The following GNG12 variants were observed in gnomAD, a reference collection of about 807,000 sequenced individuals.
GNG12 encodes guanine nucleotide-binding protein G(I)/G(S)/G(O) subunit gamma-12.
For missense variants in GNG12, 69 were observed against 83.8 expected (o/e 0.82, Z 0.69); for synonymous variants, 28 against 29.7 (o/e 0.94, Z 0.19).
chr1:67,790,530 C>A (rs536543410), intron 1 of GNG12, among the ~76,000 whole-genome samples: 59 of 152,254 alleles, frequency 3.9e-4, no homozygotes, highest in African/African-American at 1.3e-3. Flanking sequence ...TCCTCAGATC[C>A]CCTGTTGGTG....
At chr1:67,733,752 G>C (rs1208429655) in intron 2 of GNG12, among the ~76,000 whole-genome samples, 1 of 152,152 alleles carries the variant, frequency 6.6e-6, no homozygotes, top group Non-Finnish European at 1.5e-5. Flanking sequence ...ACCAACTTCA[G>C]AACACACAGG....
intron 2 of GNG12, among the ~76,000 whole-genome samples, chr1:67,749,746 T>A (rs1371028642): frequency 2.6e-5 from 4 of 152,204 alleles, no homozygotes; most frequent in Non-Finnish European, 4.4e-5. Context: ...GCATTCCCAG[T>A]GGGATGCACC....
intron 1 of GNG12, among the ~76,000 whole-genome samples, chr1:67,790,317 T>C (rs991617453): frequency 6.6e-6 from 1 of 152,162 alleles, no homozygotes; most frequent in Non-Finnish European, 1.5e-5. Flanking sequence ...CATTTTTACA[T>C]ACATTCTGAA....
chr1:67,735,852 A>G (rs1183113417), intron 2 of GNG12, among the ~76,000 whole-genome samples: 1 of 152,174 alleles, frequency 6.6e-6, no homozygotes, highest in African/African-American at 2.4e-5. Flanking sequence ...AAGGGAAAAT[A>G]TTTTTTTAAA....
At chr1:67,812,518 A>C (rs1039663461) in intron 1 of GNG12, among the ~76,000 whole-genome samples, 9 of 152,152 alleles carry the variant, frequency 5.9e-5, no homozygotes, top group Non-Finnish European at 1.2e-4. Flanking sequence ...ACTCATGTCA[A>C]TTTTACAGAG....
chr1:67,760,519 C>T (rs528488803), intron 2 of GNG12, among the ~76,000 whole-genome samples: 3 of 152,258 alleles, frequency 2.0e-5, no homozygotes, highest in African/African-American at 7.2e-5. Context: ...AGCTTTAAGA[C>T]ACACGTTGCT....
chr1:67,791,672 C>T (rs1312185905), intron 1 of GNG12, among the ~76,000 whole-genome samples: 4 of 152,104 alleles, frequency 2.6e-5, no homozygotes, highest in African/African-American at 4.8e-5. Flanking sequence ...TCCAATCATG[C>T]GTTGGCATCT....
intron 1 of GNG12, among the ~76,000 whole-genome samples, chr1:67,779,224 T>C (rs981983866): frequency 1.8e-4 from 28 of 152,204 alleles, no homozygotes; most frequent in African/African-American, 6.0e-4. Context: ...TTTTTCACTT[T>C]ATTAATCCAC....
intron 1 of GNG12, among the ~76,000 whole-genome samples, chr1:67,816,130 CTT>C (rs532958644): frequency 6.6e-6 from 1 of 152,034 alleles, no homozygotes; most frequent in Non-Finnish European, 1.5e-5. Flanking sequence ...TATCTTGAGA[CTT>C]TTTTTTCTTT....
intron 1 of GNG12, among the ~76,000 whole-genome samples, chr1:67,787,055 G>GTGTGTGTGTA (rs1553158955): frequency 1.3e-5 from 2 of 149,758 alleles, no homozygotes; most frequent in African/African-American, 2.5e-5. Context: ...GTGTGTGTGT[G>GTGTGTGTGTA]TGTGTGTGTG....
chr1:67,808,138 G>A (rs894382443), intron 1 of GNG12, among the ~76,000 whole-genome samples: 2 of 152,038 alleles, frequency 1.3e-5, no homozygotes, highest in African/African-American at 4.8e-5. Flanking sequence ...GGGTAAGTAA[G>A]GCTGGTTCAA....
At chr1:67,798,783 G>A (rs550683887) in intron 1 of GNG12, among the ~76,000 whole-genome samples, 13 of 152,072 alleles carry the variant, frequency 8.5e-5, no homozygotes, top group Admixed American at 4.6e-4. Context: ...GTGAAAGCCC[G>A]TCTCTACTAA....
chr1:67,761,888 C>G (rs1646607586), intron 2 of GNG12, among the ~76,000 whole-genome samples: 1 of 152,038 alleles, frequency 6.6e-6, no homozygotes, highest in African/African-American at 2.4e-5. Context: ...AATCACGGCT[C>G]CACTCCAGGA....
chr1:67,771,309 C>G (rs1646673182), intron 2 of GNG12, among the ~76,000 whole-genome samples: 1 of 152,214 alleles, frequency 6.6e-6, no homozygotes, highest in Non-Finnish European at 1.5e-5. Context: ...CTCATTCAGT[C>G]CCTCTAACAA....
chr1:67,716,343 C>T lies in GNG12; in HGVS notation c.-26-8631G>A, dbSNP rs61770514. On this transcript the variant is annotated intron_variant, in intron 2 of 3. Transcript: ENST00000370982. ...TCTTTCATTAGTTGATTTTATCTGC[C>T]ATCCAGGGTACATGTCCCTGAATAA... 8.2e-3 allele frequency among the ~76,000 whole-genome samples: 1,250 copies of T among 152,180 alleles called. 5 individuals carry two copies. Among genetic ancestry groups the T allele is most frequent in the Non-Finnish European group, 0.012 (822 of 68,012 alleles).
intron 2 of GNG12, among the ~76,000 whole-genome samples, chr1:67,717,120 A>G (rs1646329778): frequency 1.3e-5 from 2 of 152,202 alleles, no homozygotes; most frequent in Admixed American, 1.3e-4. Flanking sequence ...TGATTCTGAT[A>G]TAGGTCCTCT....
At chr1:67,793,855 T>C (rs1016698042) in intron 1 of GNG12, among the ~76,000 whole-genome samples, 5 of 152,258 alleles carry the variant, frequency 3.3e-5, no homozygotes, top group Non-Finnish European at 4.4e-5. Context: ...AACAGTTCTT[T>C]GACCAGTTTC....
At chr1:67,747,468 G>A (rs1389854062) in intron 2 of GNG12, among the ~76,000 whole-genome samples, 1 of 152,130 alleles carries the variant, frequency 6.6e-6, no homozygotes, top group African/African-American at 2.4e-5. Flanking sequence ...TATCATCTTT[G>A]GAGTAAGAGT....
chr1:67,764,039 G>A (rs2100743574), intron 2 of GNG12, among the ~76,000 whole-genome samples: 1 of 152,258 alleles, frequency 6.6e-6, no homozygotes, highest in Non-Finnish European at 1.5e-5. Context: ...ATATTCCTTT[G>A]TTTGTTTGCT....
Sources: gnomAD v4.1 joint callset for allele counts (sites outside exome capture counted in the v4.1 genomes callset) on GRCh38, gnomAD v4.1.1 for gene constraint, MANE v1.5 for transcripts, NCBI Gene and HGNC (gene_info 2026-07-23, HGNC 2026-07-21) for gene names.